UTRN: variants seen among roughly 807,000 people sequenced by gnomAD.
UTRN encodes utrophin.
Under a neutral mutation model 463.9 loss-of-function variants are expected in UTRN, and 283 were observed. That is an observed-to-expected ratio of 0.61 (90% CI 0.55 to 0.67). The LOEUF (loss-of-function observed/expected upper bound fraction) is 0.67. Among genes scored for constraint, UTRN ranks in the 30% least tolerant of loss-of-function variants. The pLI is 0.00. For synonymous variants in UTRN, 1,442 were observed against 1,431.5 expected (o/e 1.01, Z -0.17); for missense variants, 3,922 against 4,084.3 (o/e 0.96, Z 1.08).
At chr6:144,676,486 C>T (rs1329628366) in intron 51 of UTRN, among the ~76,000 whole-genome samples, 2 of 150,898 alleles carry the variant, frequency 1.3e-5, no homozygotes, top group East Asian at 3.9e-4. Flanking sequence ...ATCAGTTATT[C>T]TATGCTTTTG....
chr6:144,573,485 A>G (rs1801145776), intron 50 of UTRN, among the ~76,000 whole-genome samples: 1 of 151,968 alleles, frequency 6.6e-6, no homozygotes, highest in Admixed American at 6.6e-5. Context: ...CCTGAGGTCA[A>G]GAGTTTGAGA....
intron 37 of UTRN, among the ~76,000 whole-genome samples, chr6:144,515,253 G>A (rs556030198): frequency 1.3e-5 from 2 of 152,206 alleles, no homozygotes; most frequent in East Asian, 3.9e-4. Flanking sequence ...TTTGAATGGA[G>A]CATTTGTCCG....
At chr6:144,595,379 C>T (rs917525282) in intron 51 of UTRN, among the ~76,000 whole-genome samples, 7 of 152,164 alleles carry the variant, frequency 4.6e-5, no homozygotes, top group Non-Finnish European at 1.0e-4. Context: ...TGCTGAAATG[C>T]GTTTTGAAAA....
intron 2 of UTRN, among the ~76,000 whole-genome samples, chr6:144,353,157 C>G (rs1460644313): frequency 6.6e-6 from 1 of 152,038 alleles, no homozygotes; most frequent in Non-Finnish European, 1.5e-5. Flanking sequence ...CTCTGTTGCC[C>G]AGGCTGGAGT....
At chr6:144,428,626 AT>A (rs2114865237) in intron 7 of UTRN, 151 bp from the exon 8 acceptor site, 1 of 496,662 alleles carries the variant, frequency 2.0e-6, no homozygotes, top group East Asian at 3.2e-5. Flanking sequence ...AATTTCAAGT[AT>A]GTATTTGACA....
chr6:144,660,158 A>C (rs1779721655), intron 51 of UTRN: 1 of 468,994 alleles, frequency 2.1e-6, no homozygotes, highest in Non-Finnish European at 4.4e-6. Flanking sequence ...TACGGTGTTT[A>C]GAAGTTAAAC....
intron 2 of UTRN, among the ~76,000 whole-genome samples, chr6:144,345,903 G>T (rs1777523771): frequency 6.6e-6 from 1 of 152,052 alleles, no homozygotes; most frequent in Admixed American, 6.6e-5. Flanking sequence ...TTTGGCCGGG[G>T]GCGGTGGCTC....
chr6:144,747,640 G>A (rs926223036), intron 54 of UTRN, among the ~76,000 whole-genome samples: 8 of 152,172 alleles, frequency 5.3e-5, no homozygotes, highest in Non-Finnish European at 1.2e-4. Context: ...TACAAACTTA[G>A]GATGGTCCTT....
intron 51 of UTRN, among the ~76,000 whole-genome samples, chr6:144,614,757 A>T (rs531014427): frequency 6.6e-6 from 1 of 152,300 alleles, no homozygotes; most frequent in South Asian, 2.1e-4. Flanking sequence ...AAATATGTGG[A>T]TGAATAAATT....
intron 67 of UTRN, 58 bp downstream of exon 67, chr6:144,827,444 G>A (rs1016127843): frequency 8.1e-6 from 13 of 1,609,684 alleles, no homozygotes; most frequent in Admixed American, 1.7e-5. Context: ...ACTAGCATGG[G>A]GGTCTTACTA....
At chr6:144,466,163 G>A (rs1789942082) in intron 23 of UTRN, among the ~76,000 whole-genome samples, 2 of 152,180 alleles carry the variant, frequency 1.3e-5, no homozygotes, top group South Asian at 4.1e-4. Context: ...CTCTGTGAAG[G>A]ACATTTAAAT....
chr6:144,851,152 ACTAT>A lies in UTRN; in HGVS notation c.*157_*160del. ...GTTCTACTGAAAGAGTAAAACACTG[ACTAT>A]CCAAAGAGAAATGGATATTTTGTTT... On this transcript the variant is annotated 3_prime_UTR_variant, in exon 75 of 75. Transcript: ENST00000367545. 1 of 907,782 alleles carries A rather than the reference ACTAT, an allele frequency of 1.1e-6. No homozygotes were observed. Among genetic ancestry groups the A allele is most frequent in the South Asian group, 1.4e-5 (1 of 70,020 alleles). 56.2% of individuals were successfully genotyped at this position (907,782 alleles called of 1,614,324 possible). A position where few individuals can be genotyped will look rare whatever the true frequency, so the allele number is the denominator to read the frequency against.
chr6:144,549,203 T>C (rs1488816939), intron 47 of UTRN, among the ~76,000 whole-genome samples: 3 of 152,268 alleles, frequency 2.0e-5, no homozygotes, highest in African/African-American at 4.8e-5. Context: ...TTGCAACTTA[T>C]ATTTCATAAT....
intron 65 of UTRN, among the ~76,000 whole-genome samples, chr6:144,808,131 A>C (rs112281932): frequency 0.027 from 4,066 of 152,244 alleles, 80 homozygotes; most frequent in Non-Finnish European, 0.041. Flanking sequence ...ATGTTTGTTG[A>C]ATACCCTTTT....
At chr6:144,832,613 T>C (rs2128758651) in intron 69 of UTRN, among the ~76,000 whole-genome samples, 1 of 152,328 alleles carries the variant, frequency 6.6e-6, no homozygotes, top group African/African-American at 2.4e-5. Context: ...CTTGTGATCT[T>C]GGAGGAACTC....
rs1803676290 is a variant in UTRN at position 144,286,542 on chromosome 6, C to T, written c.-93+721C>T. ...CAGTCGCCGGCTCTCCTTTTCCGGA[C>T]TCTGGGGATCTCTTGCTGCAACTGA... On this transcript the variant is annotated intron_variant, in intron 1 of 74. Transcript: ENST00000367545. The surrounding 1 kb of genome is among the most constrained non-coding windows in gnomAD (Gnocchi z 4.4). Among the ~76,000 whole-genome samples the T allele has an allele frequency of 6.6e-6, 1 of 152,102 alleles. No individual in the cohort carries two copies.
intron 54 of UTRN, among the ~76,000 whole-genome samples, chr6:144,731,050 CAT>C: frequency 6.7e-6 from 1 of 150,350 alleles, no homozygotes; most frequent in Non-Finnish European, 1.5e-5. Context: ...TATATTTAAA[CAT>C]GTTATGTGAT....
chr6:144,331,028 C>T, intron 2 of UTRN: 1 of 985,336 alleles, frequency 1.0e-6, no homozygotes, highest in Non-Finnish European at 1.2e-6. Context: ...GGTAAAGACT[C>T]ATTGAGAATG....
chr6:144,620,377 T>C (rs1469105934), intron 51 of UTRN, among the ~76,000 whole-genome samples: 1 of 152,150 alleles, frequency 6.6e-6, no homozygotes, highest in Non-Finnish European at 1.5e-5. Context: ...GCTCCTGTTC[T>C]AATAAAGGCT....
Sources: allele counts gnomAD v4.1 joint callset (sites outside exome capture counted in the v4.1 genomes callset), GRCh38; gene constraint gnomAD v4.1.1; non-coding constraint Gnocchi (gnomAD v3.1); transcripts MANE v1.5; gene names NCBI Gene and HGNC (gene_info 2026-07-23, HGNC 2026-07-21).